The following ADSL variants were observed in gnomAD, a reference collection of about 807,000 sequenced individuals.
ADSL encodes adenylosuccinase.
In ADSL, 44 loss-of-function variants were observed where a neutral mutation model predicts 62.1. The ratio of observed to expected loss-of-function variants is 0.71; its 90% CI spans 0.56 to 0.91. The LOEUF (loss-of-function observed/expected upper bound fraction) is 0.91, where lower values mean the gene tolerates loss of function less well. Among genes scored for constraint, ADSL ranks in the 40% least tolerant of loss-of-function variants. The pLI is 0.00. For synonymous variants in ADSL, 198 were observed against 220.5 expected, an observed-to-expected ratio of 0.90 and a Z score of 0.90; for missense variants, 531 against 627.4, an observed-to-expected ratio of 0.85 and a Z score of 1.64.
At chr22:40,363,324 T>C (rs182852310) in intron 10 of ADSL, among the ~76,000 whole-genome samples, 2 of 152,352 alleles carry the variant, frequency 1.3e-5, no homozygotes, top group African/African-American at 2.4e-5. Context: ...CTGGTGTGAC[T>C]AGGCAGAGTA....
intron 10 of ADSL, among the ~76,000 whole-genome samples, chr22:40,363,633 G>A (rs868321002): frequency 1.3e-5 from 2 of 151,618 alleles, no homozygotes; most frequent in Admixed American, 1.3e-4. Context: ...CTACTCGGGA[G>A]ACTGAGGCAG....
intron 3 of ADSL, 146 bp from the exon 4 acceptor site, chr22:40,354,102 G>A: frequency 1.2e-6 from 1 of 801,098 alleles, no homozygotes. Context: ...AGGCACTTTA[G>A]GGTACAAAGA....
intron 6 of ADSL, 78 bp downstream of exon 6, chr22:40,359,384 T>G: frequency 6.7e-7 from 1 of 1,487,298 alleles, no homozygotes; most frequent in Non-Finnish European, 9.4e-7. Context: ...AGATTTGACC[T>G]TACAATTTTT....
intron 4 of ADSL, 25 bp from the exon 5 acceptor site, chr22:40,358,839 T>C (rs371888195): frequency 1.5e-4 from 245 of 1,613,788 alleles, no homozygotes; most frequent in South Asian, 2.5e-4. Flanking sequence ...TCTGAGACTT[T>C]CGTGTGTTCT....
At chr22:40,371,261 T>C (rs2045409554), downstream of ADSL, among the ~76,000 whole-genome samples, 2 of 152,240 alleles carry the variant, frequency 1.3e-5, no homozygotes, top group Admixed American at 1.3e-4. Flanking sequence ...TTTTGAAAAT[T>C]ATTCTCATAC....
At chr22:40,356,930 C>T (rs1247042527) in intron 4 of ADSL, among the ~76,000 whole-genome samples, 2 of 152,200 alleles carry the variant, frequency 1.3e-5, no homozygotes, top group Non-Finnish European at 2.9e-5. Context: ...GAGTCTCACT[C>T]TGTCACCTAG....
In ADSL at chr22:40,350,019, A is replaced by T. The variant is rs1035500320; in HGVS notation, c.341A>T (p.Tyr114Phe). The stretch of plus-strand genomic sequence containing the variant: ...ATTCACCTTGGTGCTACTTCTTGCT[A>T]TGTTGGAGACAATACTGTAGGCGCC... ...GIIHLGATSCYVGDNTDLIIL... is the reference protein window; with the variant it reads ...GIIHLGATSCFVGDNTDLIIL... Residue 114 changes from tyrosine to phenylalanine, a missense_variant, in exon 2 of 13, where the codon TAT becomes TTT. This residue lies in a region of ADSL where 471 missense variants were observed against 592.9 expected (regional missense o/e 0.79). Transcript: ENST00000623063. 1 of 1,613,906 alleles carries T rather than the reference A, an allele frequency of 6.2e-7. No homozygotes were observed.
In ADSL at chr22:40,349,109, TAAAAC is replaced by T. The variant is rs539563814; in HGVS notation, c.154-719_154-715del. On this transcript the variant is annotated intron_variant, in intron 1 of 12. Coordinates refer to ENST00000623063, the MANE Select transcript of ADSL (RefSeq NM_000026.4). Reference sequence around the variant, plus strand: ...CAAGCACTAAGGATTAAGCAATAAATAAAACAAAGCTCCTCAAGAAGTATTCATTC... The same window carrying T: ...CAAGCACTAAGGATTAAGCAATAAATAAAGCTCCTCAAGAAGTATTCATTC... Among the ~76,000 whole-genome samples the T allele has an allele frequency of 3.3e-5, 5 of 152,186 alleles. No homozygotes were observed. In the East Asian group the frequency reaches 9.6e-4, roughly 29 times the overall value.
intron 3 of ADSL, chr22:40,353,354 G>A (rs1042461457): frequency 2.7e-5 from 19 of 702,630 alleles, no homozygotes; most frequent in South Asian, 1.2e-4. Context: ...GTCAAGGGGC[G>A]TGATCAAGGC....
In ADSL at chr22:40,366,708, G is replaced by A; in HGVS notation, c.*186G>A. On this transcript the variant is annotated 3_prime_UTR_variant, in exon 13 of 13. Coordinates refer to ENST00000623063, the MANE Select transcript of ADSL (RefSeq NM_000026.4). ...CAAGGCAAAAACAAAGAGCGTTGAAGTTGACTCTGCTCTTGCATAGTAAAT... is the reference window on the plus strand; with the variant it reads ...CAAGGCAAAAACAAAGAGCGTTGAAATTGACTCTGCTCTTGCATAGTAAAT... 1.7e-6 allele frequency: 1 copy of A among 592,840 alleles called. No homozygotes were observed. Among genetic ancestry groups the A allele is most frequent in the Non-Finnish European group, 3.1e-6 (1 of 327,794 alleles). 36.7% of individuals were successfully genotyped at this position (592,840 alleles called of 1,614,324 possible). A position where few individuals can be genotyped will look rare whatever the true frequency, so the allele number is the denominator to read the frequency against.
chr22:40,382,677 G>A (rs772564182), intron 2 of ADSL, among the ~76,000 whole-genome samples: 4 of 152,222 alleles, frequency 2.6e-5, no homozygotes, highest in African/African-American at 4.8e-5. Flanking sequence ...TGGATGGGAC[G>A]TAGACCCCAC....
At chr22:40,364,435 GA>G (rs1332433102) in intron 11 of ADSL, 70 bp downstream of exon 11, 25 of 1,322,534 alleles carry the variant, frequency 1.9e-5, no homozygotes, top group Non-Finnish European at 2.5e-5. Context: ...CTCCGTGAAG[GA>G]GAGCAGATGA....
At chr22:40,354,416 A>C in intron 4 of ADSL, 89 bp downstream of exon 4, 1 of 1,016,272 alleles carries the variant, frequency 9.8e-7, no homozygotes, top group African/African-American at 1.6e-5. Context: ...CTTGAGGTGA[A>C]GAATCTGAAA....
chr22:40,359,235 TA>T (rs2044677715), intron 5 of ADSL, 24 bp from the exon 6 acceptor site: 1 of 1,613,282 alleles, frequency 6.2e-7, no homozygotes, highest in Admixed American at 1.7e-5. Context: ...TGGATTATTA[TA>T]AGGATGTGTC....
downstream of ADSL, among the ~76,000 whole-genome samples, chr22:40,371,895 C>T (rs2045575291): frequency 6.6e-6 from 1 of 151,534 alleles, no homozygotes; most frequent in African/African-American, 2.4e-5. Flanking sequence ...CGGGGTTTTT[C>T]GCCATGTTGG....
intron 2 of ADSL, among the ~76,000 whole-genome samples, chr22:40,380,250 T>C (rs2047337996): frequency 6.6e-6 from 1 of 152,208 alleles, no homozygotes; most frequent in South Asian, 2.1e-4. Context: ...TGTGATTAAG[T>C]AATTACACTT....
rs1370345142 is a variant in ADSL at position 40,346,562 on chromosome 22, G to GCGGCTGGAGGCGATCATGGTTCGCCCGA, written c.6_33dup (p.Ser12GlyfsTer29). 1.2e-6 allele frequency: 2 copies of GCGGCTGGAGGCGATCATGGTTCGCCCGA among 1,603,212 alleles called. No individual in the cohort carries two copies. The highest frequency in any genetic ancestry group is 1.7e-6 in the Non-Finnish European group (2 of 1,176,514). On this transcript the variant is annotated frameshift_variant, in exon 1 of 13. Transcript: ENST00000623063. LOFTEE classifies it high-confidence loss of function. ...CTGGCGGGGTCGCAGGGTTGGGATG[G>GCGGCTGGAGGCGATCATGGTTCGCCCGA]CGGCTGGAGGCGATCATGGTTCGCC...
At chr22:40,359,202 G>A in intron 5 of ADSL, 58 bp from the exon 6 acceptor site, 1 of 1,600,966 alleles carries the variant, frequency 6.2e-7, no homozygotes, top group South Asian at 1.1e-5. Context: ...ATGACAGGTT[G>A]AGGCATTCTC....
Position 40,350,083 on chromosome 22 carries a change from T to C in ADSL, c.357+48T>C, listed in dbSNP as rs761306504. ...CTTAAAACTCAGTCTCTAGAATCTATTTGTCAATTTTATTTGATGTTGTCC... is the reference window on the plus strand; with the variant it reads ...CTTAAAACTCAGTCTCTAGAATCTACTTGTCAATTTTATTTGATGTTGTCC... On this transcript the variant is annotated intron_variant, in intron 2 of 12. Transcript: ENST00000623063. 2.6e-6 allele frequency: 4 copies of C among 1,562,632 alleles called. No homozygotes were observed. In the Admixed American group the frequency reaches 5.0e-5, roughly 20 times the overall value.
Sources: gnomAD v4.1 joint callset for allele counts (sites outside exome capture counted in the v4.1 genomes callset) on GRCh38, gnomAD v4.1.1 for gene constraint, gnomAD v4.1.1 regional missense constraint, MANE v1.5 for transcripts, NCBI Gene and HGNC (gene_info 2026-07-23, HGNC 2026-07-21) for gene names.